The following TMEFF2 variants were observed in gnomAD, a reference collection of about 807,000 sequenced individuals.
TMEFF2 encodes transmembrane protein with EGF like and two follistatin like domains 2.
In TMEFF2, 28 loss-of-function variants were observed where a neutral mutation model predicts 53.8. The observed-to-expected ratio is 0.52, with a 90% confidence interval of 0.39 to 0.71. The LOEUF (loss-of-function observed/expected upper bound fraction) is 0.71, where lower values mean the gene tolerates loss of function less well. Ranked by LOEUF, TMEFF2 falls within the 30% of genes least tolerant of loss-of-function variation. TMEFF2 has a pLI of 0.00. For synonymous variants in TMEFF2, 162 were observed against 166.3 expected, an observed-to-expected ratio of 0.97 and a Z score of 0.20; for missense variants, 353 against 455.2, an observed-to-expected ratio of 0.78 and a Z score of 2.04.
intron 7 of TMEFF2, among the ~76,000 whole-genome samples, chr2:191,973,734 CCCA>C (rs1692721388): frequency 6.6e-6 from 1 of 152,090 alleles, no homozygotes; most frequent in Non-Finnish European, 1.5e-5. Context: ...TCCCATAATC[CCCA>C]CATGTCACAG....
intron 5 of TMEFF2, chr2:192,031,424 G>A (rs528472600): frequency 3.9e-5 from 6 of 152,016 alleles, no homozygotes; most frequent in African/African-American, 1.2e-4. Flanking sequence ...GAATCAGAGC[G>A]GCAAAAATAT....
chr2:192,191,901 C>T lies in TMEFF2; in HGVS notation c.261G>A (p.Val87=). 1 of 1,612,484 alleles carries T rather than the reference C, an allele frequency of 6.2e-7. No individual in the cohort carries two copies. The highest frequency in any genetic ancestry group is 1.1e-5 in the South Asian group (1 of 91,022). ...DGECLRIGDT[V]TCVCQFKCNN... ...TTACCTTGAACTGACAGACGCAAGT[C>T]ACAGTGTCTCCAATTCTTAAACATT... is the stretch of plus-strand genomic sequence containing the variant. Residue 87 remains valine (V), a synonymous_variant, in exon 2 of 10, where the codon GTG becomes GTA. Coordinates refer to ENST00000272771, the MANE Select transcript of TMEFF2 (RefSeq NM_016192.4).
intron 7 of TMEFF2, among the ~76,000 whole-genome samples, chr2:191,990,986 G>A (rs1686091432): frequency 6.6e-6 from 1 of 151,896 alleles, no homozygotes; most frequent in Non-Finnish European, 1.5e-5. Context: ...TTCTGCAGTT[G>A]TGTCATAAGC....
intron 5 of TMEFF2, among the ~76,000 whole-genome samples, chr2:191,999,664 A>G (rs983047123): frequency 2.6e-5 from 4 of 152,006 alleles, no homozygotes; most frequent in Non-Finnish European, 4.4e-5. Context: ...CAAGTAAATT[A>G]TTTGGCATGC....
chr2:191,977,471 A>G (rs1001568496), intron 7 of TMEFF2, among the ~76,000 whole-genome samples: 1 of 152,224 alleles, frequency 6.6e-6, no homozygotes, highest in Non-Finnish European at 1.5e-5. Flanking sequence ...AAAGGCTTGC[A>G]TAGTTGAAGG....
chr2:192,169,129 C>T (rs577991240), intron 4 of TMEFF2, among the ~76,000 whole-genome samples: 2 of 152,116 alleles, frequency 1.3e-5, no homozygotes, highest in East Asian at 3.9e-4. Flanking sequence ...TATTAATAGT[C>T]ATTAGCCTGA....
intron 4 of TMEFF2, among the ~76,000 whole-genome samples, chr2:192,122,601 A>G (rs576558396): frequency 6.6e-6 from 1 of 152,234 alleles, no homozygotes; most frequent in African/African-American, 2.4e-5. Flanking sequence ...GGGGCAATGA[A>G]ACAGACTGCA....
intron 4 of TMEFF2, among the ~76,000 whole-genome samples, chr2:192,149,677 G>T (rs1690338753): frequency 6.6e-6 from 1 of 151,902 alleles, no homozygotes; most frequent in African/African-American, 2.4e-5. Context: ...AAAGCTTATG[G>T]TAATGATAGT....
intron 5 of TMEFF2, among the ~76,000 whole-genome samples, chr2:192,004,967 T>A (rs1023526985): frequency 1.3e-5 from 2 of 152,202 alleles, no homozygotes; most frequent in Non-Finnish European, 2.9e-5. Flanking sequence ...TTTTTCAACC[T>A]ATCTCAGTCT....
chr2:191,987,187 T>C (rs1337998228), intron 7 of TMEFF2, among the ~76,000 whole-genome samples: 1 of 151,962 alleles, frequency 6.6e-6, no homozygotes, highest in Non-Finnish European at 1.5e-5. Flanking sequence ...CCCTGCCCCT[T>C]CCCCAGACAA....
intron 3 of TMEFF2, among the ~76,000 whole-genome samples, chr2:192,179,967 C>T (rs561103189): frequency 2.0e-5 from 3 of 151,426 alleles, no homozygotes; most frequent in African/African-American, 4.8e-5. Context: ...ATGAAAAATT[C>T]CTAATCTTGA....
chr2:192,013,191 T>G (rs1686670616), intron 5 of TMEFF2, among the ~76,000 whole-genome samples: 1 of 152,186 alleles, frequency 6.6e-6, no homozygotes, highest in African/African-American at 2.4e-5. Flanking sequence ...CCCTGTGTGA[T>G]CCGGCTCTTG....
At chr2:192,172,426 C>A (rs1690938637) in intron 4 of TMEFF2, among the ~76,000 whole-genome samples, 2 of 151,922 alleles carry the variant, frequency 1.3e-5, no homozygotes, top group South Asian at 4.1e-4. Flanking sequence ...ACAGTAAGTA[C>A]TGGCCAGTAG....
intron 5 of TMEFF2, chr2:192,035,200 AC>A (rs1184706294): frequency 1.3e-5 from 2 of 152,090 alleles, no homozygotes; most frequent in African/African-American, 4.8e-5. Flanking sequence ...GCTCTATATC[AC>A]CCAGGGATCC....
intron 7 of TMEFF2, among the ~76,000 whole-genome samples, chr2:191,967,338 A>G (rs146615284): frequency 3.9e-4 from 59 of 151,962 alleles, no homozygotes; most frequent in Non-Finnish European, 7.4e-4. Flanking sequence ...ATGTATATAG[A>G]TATATATATA....
intron 4 of TMEFF2, among the ~76,000 whole-genome samples, chr2:192,073,732 T>G (rs547594291): frequency 1.3e-5 from 2 of 152,018 alleles, no homozygotes; most frequent in African/African-American, 4.8e-5. Flanking sequence ...TAATGAAAGT[T>G]AATTGACTTC....
intron 4 of TMEFF2, among the ~76,000 whole-genome samples, chr2:192,085,722 A>C (rs992639478): frequency 2.0e-5 from 3 of 151,576 alleles, no homozygotes; most frequent in Admixed American, 6.6e-5. Flanking sequence ...AAAAAAAAAA[A>C]CCACAAAAGA....
chr2:192,127,023 T>C lies in TMEFF2; in HGVS notation c.439+52645A>G, dbSNP rs16834228. On this transcript the variant is annotated intron_variant, in intron 4 of 9. Coordinates refer to ENST00000272771, the MANE Select transcript of TMEFF2 (RefSeq NM_016192.4). ...TAATTATGTGCCAATATAAGAACAGTAAAGCACTCTTATTTAGACAGCTGT... is the reference window on the plus strand; with the variant it reads ...TAATTATGTGCCAATATAAGAACAGCAAAGCACTCTTATTTAGACAGCTGT... Among the ~76,000 whole-genome samples the C allele has an allele frequency of 5.7e-3, 861 of 152,290 alleles. 8 individuals carry two copies. Among genetic ancestry groups the C allele is most frequent in the African/African-American group, 0.019 (809 of 41,578 alleles).
intron 4 of TMEFF2, among the ~76,000 whole-genome samples, chr2:192,094,264 C>T (rs1376457848): frequency 6.6e-6 from 1 of 152,096 alleles, no homozygotes; most frequent in Non-Finnish European, 1.5e-5. Flanking sequence ...AAGTTGAATG[C>T]TATACAACTT....
Sources: gnomAD v4.1 joint callset for allele counts (sites outside exome capture counted in the v4.1 genomes callset) on GRCh38, gnomAD v4.1.1 for gene constraint, MANE v1.5 for transcripts, NCBI Gene and HGNC (gene_info 2026-07-23, HGNC 2026-07-21) for gene names.